The following HDAC4 variants were observed in gnomAD, a reference collection of about 807,000 sequenced individuals.
HDAC4 encodes the protein histone deacetylase 4.
A neutral mutation model predicts 135.1 loss-of-function variants in HDAC4; 16 were observed. The observed-to-expected ratio is 0.12, with a 90% CI of 0.08 to 0.18. The LOEUF (loss-of-function observed/expected upper bound fraction) is 0.18. Among genes scored for constraint, HDAC4 ranks in the 10% least tolerant of loss-of-function variants. The pLI, the probability that HDAC4 is intolerant of heterozygous loss-of-function variation, is 1.00. For synonymous variants in HDAC4, 685 were observed against 653.4 expected, an observed-to-expected ratio of 1.05 and a Z score of -0.74; for missense variants, 1,143 against 1,511.8, an observed-to-expected ratio of 0.76 and a Z score of 4.05.
At chr2:239,128,757 C>T (rs961825021) in intron 11 of HDAC4, among the ~76,000 whole-genome samples, 3 of 152,190 alleles carry the variant, frequency 2.0e-5, no homozygotes, top group Non-Finnish European at 4.4e-5. Context: ...AGTGTGCACA[C>T]CATTCAGGGG....
At chr2:239,248,646 T>C (rs761402039) in intron 2 of HDAC4, among the ~76,000 whole-genome samples, 21 of 152,208 alleles carry the variant, frequency 1.4e-4, no homozygotes, top group Non-Finnish European at 2.6e-4. Context: ...CTGACGATGG[T>C]CAGGCACTTA....
intron 2 of HDAC4, among the ~76,000 whole-genome samples, chr2:239,269,919 T>A (rs1321092855): frequency 6.6e-6 from 1 of 152,210 alleles, no homozygotes; most frequent in African/African-American, 2.4e-5. Flanking sequence ...ACTTTGTTAA[T>A]TGCACATTAT....
In HDAC4 at chr2:239,331,300, G is replaced by T. The variant is rs564242524; in HGVS notation, c.22+21378C>A. On this transcript the variant is annotated intron_variant, in intron 2 of 26. Coordinates refer to ENST00000543185, the MANE Select transcript of HDAC4 (RefSeq NM_001378414.1). This position sits in a 1 kb window ranked among gnomAD's most constrained non-coding sequence, Gnocchi z 4.5. ...AAAAGCCACGAGAAGGAGGCAGGAT[G>T]GGGGAGGGAAGACAAGCAGGAAGGG... Among the ~76,000 whole-genome samples the T allele has an allele frequency of 6.6e-6, 1 of 152,146 alleles. No homozygotes were observed. Among genetic ancestry groups the T allele is most frequent in the Non-Finnish European group, 1.5e-5 (1 of 68,026 alleles).
At position 239,150,296 on chromosome 2, in the gene HDAC4, T is replaced by C. The variant is rs149453165; in HGVS notation, c.734-5582A>G. Among the ~76,000 whole-genome samples, 495 of 149,432 alleles carry C rather than the reference T, an allele frequency of 3.3e-3. 4 individuals are homozygous for C. Among genetic ancestry groups the C allele is most frequent in the African/African-American group, 0.011 (456 of 40,426 alleles). On this transcript the variant is annotated intron_variant, in intron 7 of 26. Coordinates refer to ENST00000543185, the MANE Select transcript of HDAC4 (RefSeq NM_001378414.1). ...AAACATAGATACACACACAGGTACATACACAGATATACACACAGATACACA... is the reference window on the plus strand; with the variant it reads ...AAACATAGATACACACACAGGTACACACACAGATATACACACAGATACACA...
At chr2:239,109,517 C>T (rs1033974459) in intron 14 of HDAC4, among the ~76,000 whole-genome samples, 3 of 152,020 alleles carry the variant, frequency 2.0e-5, no homozygotes, top group African/African-American at 7.3e-5. Flanking sequence ...CTGGCTCAGC[C>T]TCTTGTGAGT....
intron 2 of HDAC4, among the ~76,000 whole-genome samples, chr2:239,316,618 G>C (rs1230278599): frequency 6.6e-6 from 1 of 152,108 alleles, no homozygotes; most frequent in Non-Finnish European, 1.5e-5. Flanking sequence ...GCGGCTGGAT[G>C]AATTGCAGAG....
chr2:239,298,730 G>A, intron 2 of HDAC4: 1 of 458,146 alleles, frequency 2.2e-6, no homozygotes, highest in Non-Finnish European at 2.9e-6. Context: ...AGGCTAGAAA[G>A]GCATTTAATC....
intron 24 of HDAC4, among the ~76,000 whole-genome samples, chr2:239,065,255 G>A (rs192031727): frequency 3.3e-5 from 5 of 152,320 alleles, no homozygotes; most frequent in African/African-American, 1.2e-4. Context: ...CAAGGCACCT[G>A]TAAGTGTGTG....
intron 2 of HDAC4, among the ~76,000 whole-genome samples, chr2:239,341,377 C>T (rs80192152): frequency 0.018 from 2,744 of 152,298 alleles, 42 homozygotes; most frequent in East Asian, 0.091. Context: ...AGTGTCAGAC[C>T]GGGATGAGGA....
At chr2:239,202,230 G>C (rs1025754469) in intron 3 of HDAC4, among the ~76,000 whole-genome samples, 11 of 152,230 alleles carry the variant, frequency 7.2e-5, no homozygotes, top group African/African-American at 2.7e-4. Context: ...GCAGTCTCCA[G>C]TACCAGACTG....
At chr2:239,094,066 C>G in intron 17 of HDAC4, 1 of 985,442 alleles carries the variant, frequency 1.0e-6, no homozygotes, top group Non-Finnish European at 1.2e-6. Context: ...CTTCACCCTG[C>G]GATCAGTGAT....
In HDAC4 at chr2:239,352,788, A is replaced by C; in HGVS notation, c.-89T>G. On this transcript the variant is annotated 5_prime_UTR_variant, in exon 2 of 27. Transcript: ENST00000543185. This position sits in a 1 kb window ranked among gnomAD's most constrained non-coding sequence, Gnocchi z 4.4. ...CTCCAACGAGCTCCAAACTCCCACC[A>C]ACACATACAAGTACCGGGACGGTGA... 1 of 1,269,788 alleles carries C rather than the reference A, an allele frequency of 7.9e-7. No individual in the cohort carries two copies. The highest frequency in any genetic ancestry group is 1.5e-5 in the African/African-American group (1 of 67,562). The allele number at this position is 1,269,788 out of a possible 1,614,324, so 78.7% of individuals were successfully genotyped here.
At chr2:239,188,073 T>C (rs1275002544) in intron 4 of HDAC4, among the ~76,000 whole-genome samples, 1 of 152,034 alleles carries the variant, frequency 6.6e-6, no homozygotes, top group African/African-American at 2.4e-5. Context: ...CCCCTCAGGG[T>C]CCAGCCAGAA....
intron 4 of HDAC4, among the ~76,000 whole-genome samples, chr2:239,180,023 C>T (rs1172081927): frequency 6.6e-6 from 1 of 151,928 alleles, no homozygotes; most frequent in Non-Finnish European, 1.5e-5. Context: ...GGGCGCCAAC[C>T]TTCAGCGGCG....
At chr2:239,175,024 C>A (rs978617071) in intron 5 of HDAC4, among the ~76,000 whole-genome samples, 13 of 152,172 alleles carry the variant, frequency 8.5e-5, no homozygotes, top group Non-Finnish European at 1.5e-4. Flanking sequence ...CATGGGCCAG[C>A]CCTACAAGAG....
intron 13 of HDAC4, among the ~76,000 whole-genome samples, chr2:239,112,555 T>C (rs1022246880): frequency 6.6e-6 from 1 of 151,556 alleles, no homozygotes. Flanking sequence ...GCTCTGTGTG[T>C]GGGGGGGGCA....
intron 2 of HDAC4, among the ~76,000 whole-genome samples, chr2:239,270,887 C>G (rs928620928): frequency 6.6e-6 from 1 of 152,152 alleles, no homozygotes; most frequent in African/African-American, 2.4e-5. Context: ...GGTAGGCTAG[C>G]TTTTGGCAAG....
In HDAC4 at chr2:239,190,174, C is replaced by CA. The variant is rs796492749; in HGVS notation, c.95-98_95-97insT. ...CAACACACTGGCCACCTTCACGGGG[C>CA]GGGGGGGGGGTTGTGACCATTTGAG... On this transcript the variant is annotated intron_variant, in intron 3 of 26. Transcript: ENST00000543185. The CA allele has an allele frequency of 3.6e-5, 39 of 1,071,052 alleles. No individual in the cohort carries two copies. The African/African-American group carries it at 4.7e-4, about 13-fold the overall frequency. 66.3% of individuals were successfully genotyped at this position (1,071,052 alleles called of 1,614,324 possible). A position where few individuals can be genotyped will look rare whatever the true frequency, so the allele number is the denominator to read the frequency against.
intron 3 of HDAC4, among the ~76,000 whole-genome samples, chr2:239,218,454 T>C (rs1485927648): frequency 6.6e-6 from 1 of 150,614 alleles, no homozygotes; most frequent in Non-Finnish European, 1.5e-5. Context: ...TTACATCTTA[T>C]ATAAAAATTA....
Sources: allele counts gnomAD v4.1 joint callset (sites outside exome capture counted in the v4.1 genomes callset), GRCh38; gene constraint gnomAD v4.1.1; non-coding constraint Gnocchi (gnomAD v3.1); transcripts MANE v1.5; gene names NCBI Gene and HGNC (gene_info 2026-07-23, HGNC 2026-07-21).